FYN: variants seen among roughly 807,000 people sequenced by gnomAD.
FYN encodes FYN proto-oncogene, Src family tyrosine kinase.
FYN carries 10 observed loss-of-function variants against 70.2 expected under a neutral mutation model. The ratio of observed to expected loss-of-function variants is 0.14; its 90% CI spans 0.09 to 0.24. The LOEUF (loss-of-function observed/expected upper bound fraction) is 0.24. Among genes scored for constraint, FYN ranks in the 10% least tolerant of loss-of-function variants. The pLI, the probability that FYN is intolerant of heterozygous loss-of-function variation, is 1.00. For missense variants in FYN, 319 were observed against 673.1 expected (o/e 0.47, Z 5.82); for synonymous variants, 236 against 248.6 (o/e 0.95, Z 0.48).
intron 3 of FYN, among the ~76,000 whole-genome samples, chr6:111,741,360 G>A (rs928761148): frequency 6.6e-6 from 1 of 152,176 alleles, no homozygotes; most frequent in Admixed American, 6.5e-5. Context: ...CTCAGTGGAT[G>A]CTAATGGCTA....
intron 6 of FYN, among the ~76,000 whole-genome samples, chr6:111,706,071 CT>C (rs2128448788): frequency 1.3e-5 from 2 of 152,316 alleles, no homozygotes; most frequent in Non-Finnish European, 2.9e-5. Context: ...TATATTATCC[CT>C]GAAGAAACTA....
At chr6:111,828,610 T>G (rs953324586) in intron 2 of FYN, among the ~76,000 whole-genome samples, 1 of 149,862 alleles carries the variant, frequency 6.7e-6, no homozygotes, top group Non-Finnish European at 1.5e-5. Flanking sequence ...CGCTACAACA[T>G]AGATTAACCT....
intron 12 of FYN, among the ~76,000 whole-genome samples, chr6:111,691,856 GT>G (rs1463317144): frequency 6.6e-6 from 1 of 152,206 alleles, no homozygotes; most frequent in African/African-American, 2.4e-5. Context: ...ATGCAACAGG[GT>G]CAGCCATTTC....
rs536268571 is a variant in FYN at position 111,873,331 on chromosome 6, C to G, written c.-486G>C. On this transcript the variant is annotated 5_prime_UTR_variant, in exon 1 of 14. Transcript: ENST00000354650. ...CTCGAAGGCCTTCGGCTCGCGGCGA[C>G]CCCTCCTCCTCGCCCGCGGCAGCCC... 6.6e-6 allele frequency: 1 copy of G among 150,408 alleles called. No homozygotes were observed. The highest frequency in any genetic ancestry group is 1.5e-5 in the Non-Finnish European group (1 of 66,990). The allele number at this position is 150,408 out of a possible 1,614,324, so 9.3% of individuals were successfully genotyped here. A position where few individuals can be genotyped will look rare whatever the true frequency, so the allele number is the denominator to read the frequency against.
chr6:111,693,183 G>T (rs978994676), intron 12 of FYN, among the ~76,000 whole-genome samples: 3 of 152,200 alleles, frequency 2.0e-5, no homozygotes, highest in Non-Finnish European at 4.4e-5. Context: ...GAAGGGAGAG[G>T]ATAATTGGCA....
intron 1 of FYN, among the ~76,000 whole-genome samples, chr6:111,851,877 T>C (rs1316121558): frequency 6.6e-6 from 1 of 150,680 alleles, no homozygotes; most frequent in Non-Finnish European, 1.5e-5. Flanking sequence ...CAGGTTCAGT[T>C]TTGCCAAATC....
intron 3 of FYN, among the ~76,000 whole-genome samples, chr6:111,722,349 C>T (rs1290511954): frequency 6.6e-6 from 1 of 152,148 alleles, no homozygotes; most frequent in Non-Finnish European, 1.5e-5. Context: ...ATGATTTTAA[C>T]AAGTTTCCAA....
chr6:111,690,227 G>A (rs1165809824), intron 12 of FYN, among the ~76,000 whole-genome samples: 1 of 152,142 alleles, frequency 6.6e-6, no homozygotes, highest in Non-Finnish European at 1.5e-5. Context: ...TGTGGTGCCT[G>A]TGGTGAGTTC....
At chr6:111,848,582 C>A (rs1773596915) in intron 1 of FYN, among the ~76,000 whole-genome samples, 1 of 152,156 alleles carries the variant, frequency 6.6e-6, no homozygotes, top group South Asian at 2.1e-4. Context: ...TATATACACC[C>A]ATCATTCTGC....
chr6:111,683,053 A>G (rs1334013886), intron 12 of FYN, among the ~76,000 whole-genome samples: 1 of 152,258 alleles, frequency 6.6e-6, no homozygotes, highest in Non-Finnish European at 1.5e-5. Context: ...ATCACTGAGA[A>G]TCTTCTGAGG....
At chr6:111,846,146 G>C (rs953962847) in intron 2 of FYN, among the ~76,000 whole-genome samples, 1 of 152,102 alleles carries the variant, frequency 6.6e-6, no homozygotes, top group African/African-American at 2.4e-5. Flanking sequence ...TCAAAGATAC[G>C]GCTCAGGCAG....
chr6:111,792,552 C>T (rs778163545), intron 2 of FYN, among the ~76,000 whole-genome samples: 2 of 152,138 alleles, frequency 1.3e-5, no homozygotes, highest in African/African-American at 2.4e-5. Flanking sequence ...GCCCCAAACT[C>T]GAAATAACTC....
At chr6:111,849,346 C>G (rs911291344) in intron 1 of FYN, among the ~76,000 whole-genome samples, 3 of 152,214 alleles carry the variant, frequency 2.0e-5, no homozygotes, top group African/African-American at 7.2e-5. Flanking sequence ...ATAAATAAAA[C>G]TGAGCAATCC....
intron 3 of FYN, among the ~76,000 whole-genome samples, chr6:111,727,956 G>C (rs1281047196): frequency 6.6e-6 from 1 of 152,040 alleles, no homozygotes; most frequent in Non-Finnish European, 1.5e-5. Flanking sequence ...CATTTCTCGA[G>C]CCCGAAGACT....
At chr6:111,805,287 T>C (rs1361944988) in intron 2 of FYN, among the ~76,000 whole-genome samples, 2 of 152,218 alleles carry the variant, frequency 1.3e-5, no homozygotes, top group Non-Finnish European at 2.9e-5. Flanking sequence ...CTGTCAAATA[T>C]CAGGTTCTAA....
At chr6:111,819,934 GA>G (rs1772605539) in intron 2 of FYN, 1 of 152,148 alleles carries the variant, frequency 6.6e-6, no homozygotes, top group Non-Finnish European at 1.5e-5. Flanking sequence ...TTCAACTCAA[GA>G]ATGAGAAACT....
intron 2 of FYN, chr6:111,820,219 C>T (rs1772615146): frequency 6.6e-6 from 1 of 152,196 alleles, no homozygotes; most frequent in African/African-American, 2.4e-5. Flanking sequence ...TGAAGAGATG[C>T]TGTGTTAAGG....
At chr6:111,786,327 G>A (rs1771382000) in intron 2 of FYN, among the ~76,000 whole-genome samples, 1 of 151,668 alleles carries the variant, frequency 6.6e-6, no homozygotes, top group Non-Finnish European at 1.5e-5. Context: ...TTTTGTCCTT[G>A]TGATAGTTTG....
At chr6:111,695,241 CTAA>C (rs1277042974) in intron 10 of FYN, among the ~76,000 whole-genome samples, 1 of 151,938 alleles carries the variant, frequency 6.6e-6, no homozygotes, top group Non-Finnish European at 1.5e-5. Flanking sequence ...ACAGGTGATT[CTAA>C]TAATACAAGG....
Sources: gnomAD v4.1 joint callset for allele counts (sites outside exome capture counted in the v4.1 genomes callset) on GRCh38, gnomAD v4.1.1 for gene constraint, MANE v1.5 for transcripts, NCBI Gene and HGNC (gene_info 2026-07-23, HGNC 2026-07-21) for gene names.